DGUOK: variants seen among roughly 807,000 people sequenced by gnomAD.
The protein encoded by DGUOK is deoxyguanosine kinase, also known as deoxyguanosine kinase, mitochondrial.
A neutral mutation model predicts 36.6 loss-of-function variants in DGUOK; 30 were observed. That is an observed-to-expected ratio of 0.82 (90% CI 0.61 to 1.11). The LOEUF is 1.11. Among genes scored for constraint, DGUOK ranks in the 50% most tolerant of loss-of-function variants. The pLI is 0.00. For synonymous variants in DGUOK, 145 were observed against 126.3 expected (o/e 1.15, Z -0.99); for missense variants, 361 against 336.4 (o/e 1.07, Z -0.57).
chr2:73,928,593 A>C (rs1283202686), intron 1 of DGUOK, among the ~76,000 whole-genome samples: 2 of 152,108 alleles, frequency 1.3e-5, no homozygotes, highest in Non-Finnish European at 2.9e-5. Context: ...GTGTTCGGGG[A>C]ATAGGAGGGA....
chr2:73,932,931 T>C (rs1225302844), intron 1 of DGUOK, among the ~76,000 whole-genome samples: 1 of 152,226 alleles, frequency 6.6e-6, no homozygotes, highest in Non-Finnish European at 1.5e-5. Flanking sequence ...TACAGTGTAT[T>C]ATCATCTTCT....
chr2:73,946,979 G>A, intron 3 of DGUOK, 73 bp downstream of exon 3: 4 of 1,284,726 alleles, frequency 3.1e-6, no homozygotes, highest in Non-Finnish European at 4.4e-6. Flanking sequence ...CACAGATCCT[G>A]CACTGCTATG....
chr2:73,929,386 AGAAGTGAGCCT>A (rs2104856640), intron 1 of DGUOK, among the ~76,000 whole-genome samples: 1 of 152,360 alleles, frequency 6.6e-6, no homozygotes, highest in African/African-American at 2.4e-5. Context: ...CTGGGATTAC[AGAAGTGAGCCT>A]TGGTTTTAAG....
rs544350167 is a variant in DGUOK, at chr2:73,938,906, G to A, written c.143-4G>A. On this transcript the variant is annotated splice_polypyrimidine_tract_variant and splice_region_variant and intron_variant, in intron 1 of 6. Transcript: ENST00000264093. ...CATCCCAATACATGCTATTTGCATT[G>A]CAGCTGTGGGAAAGTCCACGTTTGT... is the stretch of plus-strand genomic sequence containing the variant. The A allele has an allele frequency of 1.8e-5, 29 of 1,603,132 alleles. No individual in the cohort carries two copies. In the East Asian group the frequency reaches 6.3e-4, roughly 35 times the overall value.
At chr2:73,938,217 G>A (rs1681621174) in intron 1 of DGUOK, among the ~76,000 whole-genome samples, 1 of 152,128 alleles carries the variant, frequency 6.6e-6, no homozygotes. Flanking sequence ...CTTTGCATAT[G>A]CTACTCCCTT....
At chr2:73,927,750 AAGT>A (rs1356450065) in intron 1 of DGUOK, among the ~76,000 whole-genome samples, 3 of 152,268 alleles carry the variant, frequency 2.0e-5, no homozygotes, top group African/African-American at 4.8e-5. Flanking sequence ...CTTGAATAAA[AAGT>A]AGTCAGAAAG....
chr2:73,957,933 G>T, intron 5 of DGUOK: 1 of 466,940 alleles, frequency 2.1e-6, no homozygotes. Context: ...CTGTTTGTTA[G>T]TATCACTCTC....
chr2:73,938,084 T>TGGCCACACCCATGTTGCC (rs1446619096), intron 1 of DGUOK, among the ~76,000 whole-genome samples: 4 of 152,216 alleles, frequency 2.6e-5, no homozygotes, highest in Non-Finnish European at 4.4e-5. Context: ...ACTCCCTGTC[T>TGGCCACACCCATGTTGCC]GGCCACACCC....
chr2:73,950,845 A>G (rs1682656533), intron 4 of DGUOK, 113 bp downstream of exon 4: 2 of 1,395,804 alleles, frequency 1.4e-6, no homozygotes, highest in Non-Finnish European at 2.0e-6. Flanking sequence ...CATTACCTGC[A>G]GCACAGAGAG....
Position 73,939,013 on chromosome 2 carries a change from C to T in DGUOK, c.246C>T (p.Gly82=), listed in dbSNP as rs751630289. Reference sequence around the variant, plus strand: ...CATGGCAGAATATCCAGGCTGCTGGCACCCAAAAAGTAAGTTTTTAGTTGT... The same window carrying T: ...CATGGCAGAATATCCAGGCTGCTGGTACCCAAAAAGTAAGTTTTTAGTTGT... ...VATWQNIQAA[G]TQKACTAQSL... Residue 82 remains glycine, a synonymous_variant, in exon 2 of 7, where the codon GGC becomes GGT. Transcript: ENST00000264093. 6 of 1,613,328 alleles carry T rather than the reference C, an allele frequency of 3.7e-6. No individual in the cohort carries two copies. The highest frequency in any genetic ancestry group is 4.2e-6 in the Non-Finnish European group (5 of 1,179,318).
chr2:73,935,651 G>C (rs1182148188), intron 1 of DGUOK, among the ~76,000 whole-genome samples: 1 of 152,218 alleles, frequency 6.6e-6, no homozygotes, highest in African/African-American at 2.4e-5. Flanking sequence ...ATACTGCCCT[G>C]TAGTGAATTA....
chr2:73,933,213 C>G (rs1169979884), intron 1 of DGUOK, among the ~76,000 whole-genome samples: 1 of 152,130 alleles, frequency 6.6e-6, no homozygotes, highest in Admixed American at 6.6e-5. Flanking sequence ...GGCAAAGAAT[C>G]CTTGGGAAAA....
At chr2:73,948,877 A>T (rs1340503945) in intron 3 of DGUOK, among the ~76,000 whole-genome samples, 1 of 152,210 alleles carries the variant, frequency 6.6e-6, no homozygotes, top group East Asian at 1.9e-4. Context: ...GAAGAAATAA[A>T]GGAAGTGCTC....
intron 2 of DGUOK, among the ~76,000 whole-genome samples, chr2:73,940,042 T>C (rs1169606852): frequency 6.6e-6 from 1 of 151,836 alleles, no homozygotes; most frequent in Non-Finnish European, 1.5e-5. Context: ...GCTGGGACTA[T>C]GGGTGCATGC....
chr2:73,929,759 AAAG>A (rs1284957081), intron 1 of DGUOK, among the ~76,000 whole-genome samples: 1 of 152,154 alleles, frequency 6.6e-6, no homozygotes, highest in East Asian at 1.9e-4. Flanking sequence ...GTGAACTTGA[AAAG>A]AACAGTTTTA....
intron 1 of DGUOK, among the ~76,000 whole-genome samples, chr2:73,938,276 A>G: frequency 6.6e-6 from 1 of 152,142 alleles, no homozygotes; most frequent in East Asian, 1.9e-4. Context: ...CATTTTTTCA[A>G]GGGAGTCTCC....
At chr2:73,944,802 C>T (rs1682163639) in intron 2 of DGUOK, among the ~76,000 whole-genome samples, 1 of 152,190 alleles carries the variant, frequency 6.6e-6, no homozygotes, top group Admixed American at 6.5e-5. Flanking sequence ...CAGCACTCCG[C>T]TCCACATACA....
intron 1 of DGUOK, among the ~76,000 whole-genome samples, 195 bp from the exon 2 acceptor site, chr2:73,938,715 G>A (rs570706292): frequency 6.6e-6 from 1 of 152,176 alleles, no homozygotes; most frequent in Non-Finnish European, 1.5e-5. Context: ...CCTATTGGCT[G>A]TATTCATTAT....
At chr2:73,934,261 C>G (rs960921609) in intron 1 of DGUOK, among the ~76,000 whole-genome samples, 5 of 152,070 alleles carry the variant, frequency 3.3e-5, no homozygotes, top group African/African-American at 1.2e-4. Flanking sequence ...ACTCTTTGTC[C>G]CAGCTTGTGG....
Sources: allele counts gnomAD v4.1 joint callset (sites outside exome capture counted in the v4.1 genomes callset), GRCh38; gene constraint gnomAD v4.1.1; transcripts MANE v1.5; gene names NCBI Gene and HGNC (gene_info 2026-07-23, HGNC 2026-07-21).